Variants in DLGAP2 observed in about 807,000 individuals in gnomAD.
The protein encoded by DLGAP2 is disks large-associated protein 2.
In DLGAP2, 26 loss-of-function variants were observed where a neutral mutation model predicts 100.3. The ratio of observed to expected loss-of-function variants is 0.26; its 90% CI spans 0.19 to 0.36. The LOEUF (loss-of-function observed/expected upper bound fraction) is 0.36, where lower values mean the gene tolerates loss of function less well. DLGAP2 is among the 10% of genes least tolerant of loss of function. DLGAP2 has a pLI of 1.00. For missense variants in DLGAP2, 1,858 were observed against 1,453.2 expected (o/e 1.28, Z -4.53); for synonymous variants, 886 against 630.1 (o/e 1.41, Z -6.08).
chr8:1,539,175 G>C (rs770124265), intron 4 of DLGAP2, among the ~76,000 whole-genome samples: 16 of 152,062 alleles, frequency 1.1e-4, no homozygotes, highest in African/African-American at 3.6e-4. Context: ...CATGAGCCAC[G>C]GCACCTGGCC....
At chr8:789,409 A>G (rs1479133104) in intron 1 of DLGAP2, among the ~76,000 whole-genome samples, 5 of 152,012 alleles carry the variant, frequency 3.3e-5, no homozygotes, top group African/African-American at 1.2e-4. Context: ...TCTTCTGAGA[A>G]CTCACTCACT....
intron 14 of DLGAP2, among the ~76,000 whole-genome samples, chr8:1,698,407 A>G (rs994792154): frequency 2.0e-5 from 3 of 151,524 alleles, no homozygotes; most frequent in Non-Finnish European, 4.4e-5. Context: ...GGGACTAGGC[A>G]GGTCCAAGTA....
intron 2 of DLGAP2, among the ~76,000 whole-genome samples, chr8:1,181,171 C>T (rs1344245772): frequency 3.9e-5 from 4 of 102,066 alleles, no homozygotes; most frequent in Non-Finnish European, 6.0e-5. Context: ...AGTACACTTA[C>T]TGTCGAGTGT....
chr8:1,214,578 C>A (rs1443782087), intron 2 of DLGAP2, among the ~76,000 whole-genome samples: 1 of 152,228 alleles, frequency 6.6e-6, no homozygotes, highest in African/African-American at 2.4e-5. Context: ...ACGGCCTCCT[C>A]CTCATTTATC....
At chr8:1,466,187 G>T (rs542155462) in intron 3 of DLGAP2, among the ~76,000 whole-genome samples, 5 of 152,180 alleles carry the variant, frequency 3.3e-5, no homozygotes, top group Non-Finnish European at 7.4e-5. Flanking sequence ...AGTCAGAGGG[G>T]TCAAACCGAC....
At chr8:1,418,012 C>G (rs1047896737) in intron 3 of DLGAP2, among the ~76,000 whole-genome samples, 2 of 152,208 alleles carry the variant, frequency 1.3e-5, no homozygotes, top group African/African-American at 2.4e-5. Flanking sequence ...ATGGGCTCTA[C>G]AGTCCCGTTC....
At chr8:1,700,863 G>C (rs934495811) in intron 14 of DLGAP2, among the ~76,000 whole-genome samples, 1 of 152,226 alleles carries the variant, frequency 6.6e-6, no homozygotes, top group Non-Finnish European at 1.5e-5. Flanking sequence ...GCAGGAATCG[G>C]GCGACAATGT....
intron 6 of DLGAP2, among the ~76,000 whole-genome samples, chr8:1,578,934 A>G (rs558572792): frequency 2.0e-5 from 3 of 152,296 alleles, no homozygotes; most frequent in Admixed American, 6.5e-5. Context: ...ACTTAGAATT[A>G]TTATCAACTA....
At chr8:1,173,748 G>A (rs772363148) in intron 2 of DLGAP2, among the ~76,000 whole-genome samples, 9 of 152,278 alleles carry the variant, frequency 5.9e-5, no homozygotes, top group Non-Finnish European at 1.0e-4. Context: ...CACAGTATTC[G>A]GGTAGGAGTG....
At chr8:1,517,416 G>A (rs1344137860) in intron 4 of DLGAP2, among the ~76,000 whole-genome samples, 1 of 152,124 alleles carries the variant, frequency 6.6e-6, no homozygotes, top group Non-Finnish European at 1.5e-5. Context: ...CCCAGTGCTT[G>A]GTCCTGCAAC....
intron 4 of DLGAP2, among the ~76,000 whole-genome samples, chr8:1,510,062 C>G (rs1182607349): frequency 6.6e-6 from 1 of 152,212 alleles, no homozygotes; most frequent in Non-Finnish European, 1.5e-5. Context: ...ACACAGACTT[C>G]TGTAATTTTA....
At chr8:1,359,344 C>T (rs1468800524) in intron 3 of DLGAP2, among the ~76,000 whole-genome samples, 1 of 152,244 alleles carries the variant, frequency 6.6e-6, no homozygotes, top group Non-Finnish European at 1.5e-5. Context: ...GCCAGGCACT[C>T]CGGCGCAGTT....
At chr8:1,683,954 G>GTGTGTATATATATA (rs1450063590) in intron 12 of DLGAP2, among the ~76,000 whole-genome samples, 38 of 74,732 alleles carry the variant, frequency 5.1e-4, no homozygotes, top group Admixed American at 8.7e-4. Context: ...ATATATGTGT[G>GTGTGTATATATATA]TATATATATA....
At chr8:1,236,268 G>T (rs1467481493) in intron 2 of DLGAP2, among the ~76,000 whole-genome samples, 1 of 28,916 alleles carries the variant, frequency 3.5e-5, no homozygotes, top group Non-Finnish European at 6.3e-5. Context: ...ACATGGTGCC[G>T]TTTCTAGTTC....
At chr8:1,004,016 C>G (rs1023090722) in intron 2 of DLGAP2, among the ~76,000 whole-genome samples, 6 of 151,982 alleles carry the variant, frequency 3.9e-5, no homozygotes, top group Admixed American at 2.0e-4. Context: ...TTTTTATTCT[C>G]TTGATGTTGC....
In DLGAP2 at chr8:953,338, C is replaced by T. The variant is rs138934835; in HGVS notation, c.73+45372C>T. Among the ~76,000 whole-genome samples the T allele has an allele frequency of 1.7e-3, 252 of 152,196 alleles. 5 individuals carry two copies. The East Asian group carries it at 0.042, about 25-fold the overall frequency. ...CCTCCCGAGTAGCTGGGATTACAGA[C>T]ACTTGTCACCACGCCCGGCTAATTT... On this transcript the variant is annotated intron_variant, in intron 2 of 14. Coordinates refer to ENST00000637795, the MANE Select transcript of DLGAP2 (RefSeq NM_001346810.2).
chr8:955,054 T>C (rs1274264808), intron 2 of DLGAP2, among the ~76,000 whole-genome samples: 1 of 152,026 alleles, frequency 6.6e-6, no homozygotes, highest in Non-Finnish European at 1.5e-5. Context: ...GTGCCTGTTG[T>C]ACCAATTTGT....
At chr8:1,138,080 C>T (rs62486834) in intron 2 of DLGAP2, among the ~76,000 whole-genome samples, 16,460 of 152,312 alleles carry the variant, frequency 0.11, 1,059 homozygotes, top group East Asian at 0.24. Flanking sequence ...GCCCCGCTGA[C>T]ACCGGGATGG....
chr8:1,481,850 G>A (rs911104919), intron 3 of DLGAP2, among the ~76,000 whole-genome samples: 4 of 152,188 alleles, frequency 2.6e-5, no homozygotes, highest in Non-Finnish European at 5.9e-5. Context: ...GGCTGGCCCA[G>A]AAAACTAAAC....
Sources: allele counts gnomAD v4.1 joint callset (sites outside exome capture counted in the v4.1 genomes callset), GRCh38; gene constraint gnomAD v4.1.1; transcripts MANE v1.5; gene names NCBI Gene and HGNC (gene_info 2026-07-23, HGNC 2026-07-21).